The following MAF variants were observed in gnomAD, a reference collection of about 807,000 sequenced individuals.
MAF encodes MAF bZIP transcription factor.
A neutral mutation model predicts 22.0 loss-of-function variants in MAF; 10 were observed. That is an observed-to-expected ratio of 0.45 (90% confidence interval 0.28 to 0.77). MAF has a LOEUF of 0.77. MAF is among the 30% of genes least tolerant of loss of function. The pLI is 0.12. For missense variants in MAF, 544 were observed against 548.4 expected (o/e 0.99, Z 0.08); for synonymous variants, 337 against 255.8 (o/e 1.32, Z -3.03).
chr16:79,245,720 G>T, the MAF span, among the ~76,000 whole-genome samples: 4 of 151,946 alleles, frequency 2.6e-5, no homozygotes, highest in East Asian at 7.7e-4. Flanking sequence ...TATACCCAAA[G>T]GATTATAAAT....
the MAF span, among the ~76,000 whole-genome samples, chr16:79,373,686 T>C: frequency 6.6e-6 from 1 of 151,924 alleles, no homozygotes; most frequent in East Asian, 1.9e-4. Context: ...CCTGGTAGCT[T>C]CATAAGAAGA....
chr16:79,374,041 G>A, the MAF span, among the ~76,000 whole-genome samples: 1 of 152,030 alleles, frequency 6.6e-6, no homozygotes, highest in Non-Finnish European at 1.5e-5. Flanking sequence ...TCATTGGTTT[G>A]GCCCAACAAT....
chr16:79,419,182 G>A, the MAF span, among the ~76,000 whole-genome samples: 1 of 152,122 alleles, frequency 6.6e-6, no homozygotes, highest in Non-Finnish European at 1.5e-5. Flanking sequence ...ATCATGGGGT[G>A]CTCAGAAGTT....
At chr16:79,214,397 A>G in the MAF span, among the ~76,000 whole-genome samples, 379 of 152,248 alleles carry the variant, frequency 2.5e-3, 2 homozygotes, top group Non-Finnish European at 4.6e-3. Context: ...CATTGTGACA[A>G]TGATCCCGAG....
Position 79,599,145 on chromosome 16 carries a change from C to T in MAF, c.758G>A (p.Gly253Asp). Residue 253 changes from glycine (G) to aspartate (D), a missense_variant, in exon 1 of 2, where the codon GGC (glycine) becomes GAC (aspartate). Transcript: ENST00000326043. ...GAAGCGGTCGTCGAAGTGCAGGCCG[C>T]CGGCGGCGTGGTGCGGGTGCAGGGC... is the stretch of plus-strand genomic sequence containing the variant. ...GGALHPHHAA[G>D]GLHFDDRFSD... 1 of 1,561,970 alleles carries T rather than the reference C, an allele frequency of 6.4e-7. No individual in the cohort carries two copies. The highest frequency in any genetic ancestry group is 8.6e-7 in the Non-Finnish European group (1 of 1,160,434).
chr16:79,216,330 A>C, the MAF span, among the ~76,000 whole-genome samples: 1 of 152,246 alleles, frequency 6.6e-6, no homozygotes, highest in African/African-American at 2.4e-5. Flanking sequence ...GCACATGTGC[A>C]TATGCACATA....
At chr16:79,528,406 G>A in the MAF span, among the ~76,000 whole-genome samples, 1 of 152,130 alleles carries the variant, frequency 6.6e-6, no homozygotes, top group Non-Finnish European at 1.5e-5. Context: ...TGTCCCAGGG[G>A]CCAGGAAATC....
the MAF span, chr16:79,211,799 G>T: frequency 2.1e-3 from 3,405 of 1,614,018 alleles, 68 homozygotes; most frequent in Admixed American, 0.04. Context: ...CCGGCTAAGT[G>T]GAGCTCAGAG....
the MAF span, among the ~76,000 whole-genome samples, chr16:79,540,892 T>C: frequency 1.4e-4 from 21 of 152,030 alleles, no homozygotes; most frequent in East Asian, 3.9e-3. Flanking sequence ...TATTACTCTT[T>C]ACTGCTACTA....
chr16:79,255,110 T>C, the MAF span, among the ~76,000 whole-genome samples: 1 of 152,220 alleles, frequency 6.6e-6, no homozygotes, highest in African/African-American at 2.4e-5. Flanking sequence ...CACCAAGGGC[T>C]AAATTGTCTC....
At chr16:79,569,477 G>C in the MAF span, among the ~76,000 whole-genome samples, 1 of 152,218 alleles carries the variant, frequency 6.6e-6, no homozygotes, top group Non-Finnish European at 1.5e-5. Flanking sequence ...ACTGAAGGCA[G>C]AGGTTCTCAA....
the MAF span, among the ~76,000 whole-genome samples, chr16:79,243,167 A>G: frequency 6.6e-6 from 1 of 152,020 alleles, no homozygotes; most frequent in Non-Finnish European, 1.5e-5. Context: ...AAACAAATTA[A>G]AAAGCTAGCA....
the MAF span, among the ~76,000 whole-genome samples, chr16:79,343,545 A>G: frequency 1.3e-5 from 2 of 152,198 alleles, no homozygotes; most frequent in African/African-American, 2.4e-5. Flanking sequence ...GCTTGAAAAC[A>G]GATTGCCTGG....
At chr16:79,333,804 G>C in the MAF span, among the ~76,000 whole-genome samples, 3 of 151,622 alleles carry the variant, frequency 2.0e-5, no homozygotes, top group Non-Finnish European at 4.4e-5. Flanking sequence ...CTGGATCCCA[G>C]CATCTCACCT....
At chr16:79,293,496 T>C in the MAF span, among the ~76,000 whole-genome samples, 1 of 152,224 alleles carries the variant, frequency 6.6e-6, no homozygotes, top group Non-Finnish European at 1.5e-5. Flanking sequence ...TACTGCTTTT[T>C]CCTTACAAGA....
Position 79,597,350 on chromosome 16 carries a change from A to G in MAF, c.1118+1435T>C, listed in dbSNP as rs1470679613. The G allele has an allele frequency of 4.8e-6, 5 of 1,039,288 alleles. No homozygotes were observed. The African/African-American group carries it at 8.4e-5, about 17-fold the overall frequency. 64.4% of individuals were successfully genotyped at this position (1,039,288 alleles called of 1,614,324 possible). On this transcript the variant is annotated intron_variant, in intron 1 of 1. Coordinates refer to ENST00000326043, the MANE Select transcript of MAF (RefSeq NM_005360.5). ...AGCATTCCACATTTGACAATGACCA[A>G]AAGCCAAAAAATATAAAATAAAAAT...
chr16:79,496,964 G>C, the MAF span, among the ~76,000 whole-genome samples: 1 of 152,112 alleles, frequency 6.6e-6, no homozygotes, highest in Non-Finnish European at 1.5e-5. Context: ...GTAATTCTTG[G>C]TCTTGGTTGA....
chr16:79,501,735 C>T, the MAF span, among the ~76,000 whole-genome samples: 1 of 152,296 alleles, frequency 6.6e-6, no homozygotes, highest in East Asian at 1.9e-4. Flanking sequence ...TCTTCCCCCT[C>T]ACCTAGAAAA....
At chr16:79,408,984 G>A in the MAF span, among the ~76,000 whole-genome samples, 1 of 128,152 alleles carries the variant, frequency 7.8e-6, no homozygotes, top group South Asian at 2.9e-4. Context: ...ATTGCACATA[G>A]ACCAGAGTTT....
Sources: allele counts gnomAD v4.1 joint callset (sites outside exome capture counted in the v4.1 genomes callset), GRCh38; gene constraint gnomAD v4.1.1; transcripts MANE v1.5; gene names NCBI Gene and HGNC (gene_info 2026-07-23, HGNC 2026-07-21).